Variants in CSMD1 observed in about 807,000 individuals in gnomAD.
The protein encoded by CSMD1 is CUB and sushi domain-containing protein 1.
A neutral mutation model predicts 417.5 loss-of-function variants in CSMD1; 213 were observed. The observed-to-expected ratio is 0.51, with a 90% confidence interval of 0.46 to 0.57. The LOEUF (loss-of-function observed/expected upper bound fraction) is 0.57, where lower values mean the gene tolerates loss of function less well. CSMD1 is among the 20% of genes least tolerant of loss of function. The pLI is 0.00. For missense variants in CSMD1, 6,923 were observed against 4,529.7 expected, an observed-to-expected ratio of 1.53 and a Z score of -15.17; for synonymous variants, 2,862 against 1,736.8, an observed-to-expected ratio of 1.65 and a Z score of -16.11.
intron 1 of CSMD1, chr8:4,788,219 T>C (rs1306337585): frequency 2.5e-6 from 4 of 1,585,194 alleles, no homozygotes; most frequent in Non-Finnish European, 3.5e-6. Flanking sequence ...CATCTGCGCA[T>C]AAAGGACCAG....
intron 3 of CSMD1, among the ~76,000 whole-genome samples, chr8:4,064,387 C>A (rs570046233): frequency 1.3e-5 from 2 of 152,164 alleles, no homozygotes; most frequent in Non-Finnish European, 2.9e-5. Flanking sequence ...CAGTTGTTTT[C>A]TCCCTCAATG....
chr8:3,186,297 G>A (rs1026943933), intron 36 of CSMD1, among the ~76,000 whole-genome samples: 14 of 152,064 alleles, frequency 9.2e-5, no homozygotes, highest in Admixed American at 2.6e-4. Flanking sequence ...AGAGCTATGT[G>A]GTCAGGGGAA....
rs181473727 is a variant in CSMD1 at position 4,924,451 on chromosome 8, G to T, written c.85+69881C>A. ...AAGTATAAAACCTACAGCCAGGCAC[G>T]GTGGCTCACGCCTGTAATCTCAGTA... is the stretch of plus-strand genomic sequence containing the variant. On this transcript the variant is annotated intron_variant, in intron 1 of 69. Coordinates refer to ENST00000635120, the MANE Select transcript of CSMD1 (RefSeq NM_033225.6). Among the ~76,000 whole-genome samples, 3 of 152,164 alleles carry T rather than the reference G, an allele frequency of 2.0e-5. No homozygotes were observed. In the East Asian group the frequency reaches 5.8e-4, roughly 29 times the overall value.
At chr8:4,344,570 A>T (rs959625424) in intron 3 of CSMD1, among the ~76,000 whole-genome samples, 1 of 151,052 alleles carries the variant, frequency 6.6e-6, no homozygotes, top group Admixed American at 6.6e-5. Flanking sequence ...ATATACATAT[A>T]TAAGTATATA....
intron 38 of CSMD1, among the ~76,000 whole-genome samples, chr8:3,159,400 G>A (rs1345009077): frequency 6.6e-6 from 1 of 152,166 alleles, no homozygotes. Flanking sequence ...AAAACAAGTT[G>A]AGAGAAGATG....
chr8:3,718,401 C>T (rs1035432216), intron 6 of CSMD1, among the ~76,000 whole-genome samples: 3 of 152,100 alleles, frequency 2.0e-5, no homozygotes, highest in African/African-American at 7.2e-5. Flanking sequence ...ACCCTTAAAT[C>T]AGTCAGTGTC....
At chr8:4,668,454 T>TATTA (rs947690088) in intron 1 of CSMD1, among the ~76,000 whole-genome samples, 1 of 146,394 alleles carries the variant, frequency 6.8e-6, no homozygotes, top group Non-Finnish European at 1.5e-5. Context: ...TTATTATTAT[T>TATTA]ATTATTATTA....
intron 42 of CSMD1, chr8:3,113,358 A>T (rs17079403): frequency 0.052 from 7,954 of 152,356 alleles, 534 homozygotes; most frequent in African/African-American, 0.16. Context: ...TTCCGTGCTC[A>T]TGAATACCCG....
intron 10 of CSMD1, among the ~76,000 whole-genome samples, chr8:3,527,298 T>C (rs1221456424): frequency 6.6e-6 from 1 of 152,208 alleles, no homozygotes; most frequent in Non-Finnish European, 1.5e-5. Context: ...TAATCTGACA[T>C]CATATTCATT....
intron 1 of CSMD1, among the ~76,000 whole-genome samples, chr8:4,781,956 G>C (rs1330419160): frequency 6.6e-6 from 1 of 152,068 alleles, no homozygotes; most frequent in Non-Finnish European, 1.5e-5. Context: ...ATATACAAAT[G>C]ACAATAAAAT....
At chr8:4,148,217 A>G (rs1796376001) in intron 3 of CSMD1, among the ~76,000 whole-genome samples, 1 of 152,028 alleles carries the variant, frequency 6.6e-6, no homozygotes, top group South Asian at 2.1e-4. Flanking sequence ...AAGTTGCTAT[A>G]GACTGGGCAA....
chr8:3,661,743 C>G (rs534155661), intron 7 of CSMD1, among the ~76,000 whole-genome samples: 1 of 152,094 alleles, frequency 6.6e-6, no homozygotes, highest in African/African-American at 2.4e-5. Flanking sequence ...GTGATTCACC[C>G]GCCCTGGCTT....
At chr8:3,302,970 C>T (rs1804532834) in intron 25 of CSMD1, among the ~76,000 whole-genome samples, 1 of 152,208 alleles carries the variant, frequency 6.6e-6, no homozygotes, top group African/African-American at 2.4e-5. Context: ...CAACTGCTCC[C>T]AGAGCCCCAG....
At chr8:3,460,990 T>C (rs776436181) in intron 12 of CSMD1, among the ~76,000 whole-genome samples, 40 of 152,282 alleles carry the variant, frequency 2.6e-4, no homozygotes, top group Admixed American at 2.0e-4. Flanking sequence ...TTTAGCATAT[T>C]AAATGGAATG....
intron 41 of CSMD1, among the ~76,000 whole-genome samples, chr8:3,132,520 C>G (rs1275185907): frequency 1.3e-5 from 2 of 152,090 alleles, no homozygotes; most frequent in African/African-American, 4.8e-5. Context: ...TGAGTTCAGT[C>G]TCATCAGTTC....
chr8:4,909,184 C>T (rs1195106183), intron 1 of CSMD1, among the ~76,000 whole-genome samples: 1 of 152,148 alleles, frequency 6.6e-6, no homozygotes, highest in African/African-American at 2.4e-5. Flanking sequence ...GTAATCCACT[C>T]TTATAATGCA....
intron 7 of CSMD1, among the ~76,000 whole-genome samples, chr8:3,666,859 G>C (rs937149796): frequency 5.9e-5 from 9 of 152,102 alleles, no homozygotes; most frequent in South Asian, 2.1e-4. Context: ...AAATTACTCA[G>C]TCTCAGATAG....
chr8:3,081,291 C>G (rs1475445111), intron 49 of CSMD1, among the ~76,000 whole-genome samples: 2 of 152,132 alleles, frequency 1.3e-5, no homozygotes. Flanking sequence ...TTTATGCATT[C>G]AGGAAGTTTA....
At position 3,622,599 on chromosome 8, in the gene CSMD1, G is replaced by T. The variant is rs77580656; in HGVS notation, c.1010-5802C>A. ...TACTTAGTTGGAATTCTGTGAAGGC[G>T]CAAAATGATTTAGACAAGCCTGAAT... On this transcript the variant is annotated intron_variant, in intron 7 of 69. Coordinates refer to ENST00000635120, the MANE Select transcript of CSMD1 (RefSeq NM_033225.6). Among the ~76,000 whole-genome samples the T allele has an allele frequency of 8.5e-3, 1,291 of 152,334 alleles. 28 individuals are homozygous for T. The highest frequency in any genetic ancestry group is 0.03 in the African/African-American group (1,241 of 41,580).
Sources: gnomAD v4.1 joint callset for allele counts (sites outside exome capture counted in the v4.1 genomes callset) on GRCh38, gnomAD v4.1.1 for gene constraint, MANE v1.5 for transcripts, NCBI Gene and HGNC (gene_info 2026-07-23, HGNC 2026-07-21) for gene names.